COL21A1: variants seen among roughly 807,000 people sequenced by gnomAD.
COL21A1 encodes collagen alpha-1(XXI) chain.
Under a neutral mutation model 137.9 loss-of-function variants are expected in COL21A1, and 149 were observed. The ratio of observed to expected loss-of-function variants is 1.08; its 90% confidence interval spans 0.95 to 1.24. COL21A1 has a LOEUF of 1.24. COL21A1 is among the 50% of genes most tolerant of loss of function. The probability of loss-of-function intolerance (pLI) is 0.00; values close to 1 mark genes in which losing one functional copy is unlikely to be tolerated. For missense variants in COL21A1, 1,167 were observed against 1,158.4 expected (o/e 1.01, Z -0.11); for synonymous variants, 456 against 391.5 (o/e 1.16, Z -1.95).
intron 1 of COL21A1, among the ~76,000 whole-genome samples, chr6:56,304,386 A>G (rs1242580453): frequency 6.6e-6 from 1 of 152,008 alleles, no homozygotes; most frequent in Non-Finnish European, 1.5e-5. Context: ...TTGGTAAGCT[A>G]TTAATTATTG....
chr6:56,109,061 T>C (rs1308872978), intron 16 of COL21A1, among the ~76,000 whole-genome samples: 4 of 151,654 alleles, frequency 2.6e-5, no homozygotes, highest in African/African-American at 9.7e-5. Flanking sequence ...ATCAAGGGGA[T>C]ACAACTCAAA....
intron 8 of COL21A1, 104 bp from the exon 9 acceptor site, chr6:56,164,610 A>G: frequency 1.0e-6 from 1 of 953,782 alleles, no homozygotes; most frequent in African/African-American, 1.7e-5. Flanking sequence ...TGGCAAAAAT[A>G]TCTTACATTC....
intron 10 of COL21A1, among the ~76,000 whole-genome samples, chr6:56,153,061 T>C (rs1775443843): frequency 6.6e-6 from 1 of 152,146 alleles, no homozygotes; most frequent in Non-Finnish European, 1.5e-5. Context: ...AATAAAGTCA[T>C]ATGACATCTT....
At chr6:56,252,397 C>T (rs1441210241), upstream of COL21A1, among the ~76,000 whole-genome samples, 2 of 152,172 alleles carry the variant, frequency 1.3e-5, no homozygotes, top group African/African-American at 4.8e-5. Context: ...GCCCTAACTT[C>T]TACATCGGTT....
chr6:56,327,153 C>A (rs1765114661), intron 1 of COL21A1, among the ~76,000 whole-genome samples: 2 of 4,174 alleles, frequency 4.8e-4, no homozygotes, highest in Admixed American at 6.6e-3. Context: ...GTCAAATGCT[C>A]TAAAACTCTA....
intron 16 of COL21A1, among the ~76,000 whole-genome samples, chr6:56,121,456 T>C (rs550427388): frequency 6.8e-6 from 1 of 147,564 alleles, no homozygotes; most frequent in South Asian, 2.1e-4. Flanking sequence ...TACTACAAGG[T>C]TATTTTGTCA....
At chr6:56,253,843 T>G (rs1782910732) in intron 1 of COL21A1, among the ~76,000 whole-genome samples, 1 of 152,196 alleles carries the variant, frequency 6.6e-6, no homozygotes, top group African/African-American at 2.4e-5. Context: ...TTTAATAAGT[T>G]CTCTTAAAAG....
At chr6:56,178,305 A>G (rs1777641171) in intron 3 of COL21A1, among the ~76,000 whole-genome samples, 2 of 152,182 alleles carry the variant, frequency 1.3e-5, no homozygotes, top group African/African-American at 4.8e-5. Context: ...ATAAATGTCA[A>G]CAAAATCTAA....
At chr6:56,366,882 TCAAC>T (rs1447632699) in intron 1 of COL21A1, among the ~76,000 whole-genome samples, 3 of 152,248 alleles carry the variant, frequency 2.0e-5, no homozygotes, top group Admixed American at 6.5e-5. Flanking sequence ...GCAGAACTGT[TCAAC>T]CATGTAAGTA....
rs934989314 is a variant in COL21A1 at position 56,111,874 on chromosome 6, C to CA, written c.1759-10350dup. Among the ~76,000 whole-genome samples the CA allele has an allele frequency of 9.9e-3, 1,383 of 139,008 alleles. 20 individuals are homozygous for CA. Among genetic ancestry groups the CA allele is most frequent in the African/African-American group, 0.033 (1,257 of 37,740 alleles). The allele number at this position is 139,008 out of a possible 152,430, so 91.2% of individuals were successfully genotyped here. ...GGGTGTCAAGGGTGAGACTCTGTCT[C>CA]AAAAAAAAAAGAAAAAGAAAAAACT... On this transcript the variant is annotated intron_variant, in intron 16 of 29. Coordinates refer to ENST00000244728, the MANE Select transcript of COL21A1 (RefSeq NM_030820.4).
chr6:56,325,664 A>ATAATCTATT (rs1765039277), intron 1 of COL21A1, among the ~76,000 whole-genome samples: 8 of 60 alleles, frequency 0.13, 4 homozygotes, highest in Non-Finnish European at 0.44. Context: ...TTATATATTA[A>ATAATCTATT]ATATATTATA....
intron 1 of COL21A1, among the ~76,000 whole-genome samples, chr6:56,326,838 G>A (rs1272775071): frequency 1.3e-5 from 2 of 151,946 alleles, no homozygotes; most frequent in Non-Finnish European, 2.9e-5. Flanking sequence ...ACAATGGTGG[G>A]CAACACAGGA....
chr6:56,303,393 C>T (rs887084456), intron 1 of COL21A1, among the ~76,000 whole-genome samples: 2 of 151,632 alleles, frequency 1.3e-5, no homozygotes, highest in East Asian at 3.9e-4. Context: ...TGTTTGTATC[C>T]TCTTTTATTT....
chr6:56,171,492 C>A (rs555736604), intron 3 of COL21A1, among the ~76,000 whole-genome samples: 33 of 152,012 alleles, frequency 2.2e-4, no homozygotes, highest in Middle Eastern at 3.4e-3. Context: ...ATTTATCATT[C>A]TCATCCAGGA....
intron 1 of COL21A1, among the ~76,000 whole-genome samples, chr6:56,272,964 T>C (rs569999159): frequency 6.6e-6 from 1 of 152,220 alleles, no homozygotes; most frequent in African/African-American, 2.4e-5. Flanking sequence ...CATTCTAAGA[T>C]CAAACACATG....
chr6:56,091,869 AC>A (rs1254388518), intron 17 of COL21A1, among the ~76,000 whole-genome samples: 2 of 152,194 alleles, frequency 1.3e-5, no homozygotes, highest in Non-Finnish European at 1.5e-5. Flanking sequence ...ATTTTCTGTT[AC>A]GGTTTTTTCA....
intron 1 of COL21A1, among the ~76,000 whole-genome samples, chr6:56,213,194 C>A (rs1170291369): frequency 1.3e-5 from 2 of 151,938 alleles, no homozygotes; most frequent in Admixed American, 6.6e-5. Flanking sequence ...AAATTGTATA[C>A]ATTTAATAAA....
intron 16 of COL21A1, among the ~76,000 whole-genome samples, chr6:56,106,139 G>T (rs1770862903): frequency 6.6e-6 from 1 of 152,018 alleles, no homozygotes; most frequent in Non-Finnish European, 1.5e-5. Context: ...CATGTATATA[G>T]AAAGTTTCTG....
At chr6:56,102,893 G>A (rs1433779323) in intron 16 of COL21A1, among the ~76,000 whole-genome samples, 1 of 31,468 alleles carries the variant, frequency 3.2e-5, no homozygotes, top group African/African-American at 1.2e-4. Flanking sequence ...AAATTAGAGG[G>A]AGAGAAGTTA....
Sources: gnomAD v4.1 joint callset for allele counts (sites outside exome capture counted in the v4.1 genomes callset) on GRCh38, gnomAD v4.1.1 for gene constraint, MANE v1.5 for transcripts, NCBI Gene and HGNC (gene_info 2026-07-23, HGNC 2026-07-21) for gene names.